The following NFIC variants were observed in gnomAD, a reference collection of about 807,000 sequenced individuals.
NFIC encodes nuclear factor 1 C-type.
NFIC carries 12 observed loss-of-function variants against 54.4 expected under a neutral mutation model. The observed-to-expected ratio is 0.22, with a 90% confidence interval of 0.14 to 0.36. The LOEUF (loss-of-function observed/expected upper bound fraction) is 0.36, where lower values mean the gene tolerates loss of function less well. NFIC is among the 10% of genes least tolerant of loss of function. NFIC has a pLI of 1.00. For missense variants in NFIC, 575 were observed against 718.2 expected, an observed-to-expected ratio of 0.80 and a Z score of 2.28; for synonymous variants, 322 against 319.2, an observed-to-expected ratio of 1.01 and a Z score of -0.09.
rs547479796 is a variant in NFIC at position 3,459,867 on chromosome 19, G to A, written c.1510-2885G>A. ...GCCCAGTGGCTGCCTGGTTGGAGGG[G>A]CTCTGTTGAATGATTTGCTGCAGCG... On this transcript the variant is annotated intron_variant, in intron 10 of 10. Transcript: ENST00000443272. The surrounding 1 kb of genome is among the most constrained non-coding windows in gnomAD (Gnocchi z 4.2). Among the ~76,000 whole-genome samples the A allele has an allele frequency of 2.6e-4, 39 of 152,322 alleles. No individual in the cohort carries two copies. The highest frequency in any genetic ancestry group is 9.1e-4 in the African/African-American group (38 of 41,578).
chr19:3,420,788 TC>T, intron 2 of NFIC, among the ~76,000 whole-genome samples: 1 of 151,842 alleles, frequency 6.6e-6, no homozygotes, highest in South Asian at 2.1e-4. Context: ...ATTGGCCCGA[TC>T]TGGGCTCACT....
chr19:3,387,640 G>A (rs558210739), intron 2 of NFIC, among the ~76,000 whole-genome samples: 20 of 152,106 alleles, frequency 1.3e-4, no homozygotes, highest in Non-Finnish European at 2.2e-4. Context: ...AGGCTTGAAG[G>A]GGGTGAGGGA....
At chr19:3,360,010 C>T (rs2145407356) in intron 1 of NFIC, among the ~76,000 whole-genome samples, 1 of 150,010 alleles carries the variant, frequency 6.7e-6, no homozygotes, top group Non-Finnish European at 1.5e-5. Context: ...CCGCCCCCTC[C>T]CCGGGCCAGA....
intron 2 of NFIC, among the ~76,000 whole-genome samples, chr19:3,392,349 G>A (rs1288392919): frequency 1.3e-5 from 2 of 152,144 alleles, no homozygotes; most frequent in Non-Finnish European, 2.9e-5. Context: ...TGGGACTACA[G>A]GCGTGAGCCA....
Position 3,463,922 on chromosome 19 carries a change from C to T in NFIC, c.*1153C>T. 1 of 981,482 alleles carries T rather than the reference C, an allele frequency of 1.0e-6. No individual in the cohort carries two copies. Among genetic ancestry groups the T allele is most frequent in the Non-Finnish European group, 1.2e-6 (1 of 826,790 alleles). 60.8% of individuals were successfully genotyped at this position (981,482 alleles called of 1,614,324 possible). On this transcript the variant is annotated 3_prime_UTR_variant, in exon 11 of 11. Transcript: ENST00000443272. ...GCCTCCTCCCCCTCCCCTCCAGCCT[C>T]TCCACCAGCCCCTCCAGTCAACCCT...
chr19:3,422,761 G>A (rs1025506343), intron 2 of NFIC, among the ~76,000 whole-genome samples: 3 of 151,904 alleles, frequency 2.0e-5, no homozygotes, highest in Non-Finnish European at 2.9e-5. Flanking sequence ...AAAGACCCGG[G>A]GGGTCTTGGA....
At chr19:3,430,062 C>T (rs1408549604) in intron 3 of NFIC, among the ~76,000 whole-genome samples, 1 of 152,080 alleles carries the variant, frequency 6.6e-6, no homozygotes, top group Non-Finnish European at 1.5e-5. Flanking sequence ...CCCTCCCCAC[C>T]CTAGCTAGTT....
At chr19:3,385,780 C>T (rs2081287488) in intron 2 of NFIC, among the ~76,000 whole-genome samples, 1 of 151,942 alleles carries the variant, frequency 6.6e-6, no homozygotes, top group Non-Finnish European at 1.5e-5. Context: ...GCATGTTGGC[C>T]AGGCTGGTCT....
chr19:3,436,042 G>A lies in NFIC; in HGVS notation c.958+835G>A, dbSNP rs575243618. 1.6e-3 allele frequency among the ~76,000 whole-genome samples: 237 copies of A among 152,044 alleles called. 2 individuals are homozygous for A. The highest frequency in any genetic ancestry group is 2.9e-3 in the Non-Finnish European group (195 of 67,980). ...GGGGTTTCACCATGTTGGTCAGGCT[G>A]GTCTCAAACTCCCGACCTCAGGTGA... On this transcript the variant is annotated intron_variant, in intron 6 of 10. Coordinates refer to ENST00000443272, the MANE Select transcript of NFIC (RefSeq NM_001245002.2).
chr19:3,363,522 T>G (rs1210822625), upstream of NFIC, among the ~76,000 whole-genome samples: 1 of 151,884 alleles, frequency 6.6e-6, no homozygotes, highest in African/African-American at 2.4e-5. Context: ...TCTGCCTGCC[T>G]CGGCCTCCCA....
chr19:3,364,705 A>G (rs1316323504), upstream of NFIC, among the ~76,000 whole-genome samples: 1 of 152,124 alleles, frequency 6.6e-6, no homozygotes, highest in Non-Finnish European at 1.5e-5. Context: ...TTCACCTTCC[A>G]AAGGATTCTA....
At chr19:3,437,429 A>G (rs957378776) in intron 6 of NFIC, among the ~76,000 whole-genome samples, 1 of 151,368 alleles carries the variant, frequency 6.6e-6, no homozygotes, top group Non-Finnish European at 1.5e-5. Context: ...GTGACATTTC[A>G]GGTGCCAAGG....
chr19:3,434,430 T>G lies in NFIC; in HGVS notation c.833+30T>G, dbSNP rs372650500. 1.9e-5 allele frequency: 30 copies of G among 1,566,928 alleles called. No homozygotes were observed. In the African/African-American group the frequency reaches 3.4e-4, roughly 18 times the overall value. On this transcript the variant is annotated intron_variant, in intron 5 of 10. Transcript: ENST00000443272. Reference sequence around the variant, plus strand: ...GTACCCAGGTCCCCACCTCTGGGCATTTCATGACCCCATTCATCAACCCAT... The same window carrying G: ...GTACCCAGGTCCCCACCTCTGGGCAGTTCATGACCCCATTCATCAACCCAT...
chr19:3,432,458 G>A (rs1036139862), intron 3 of NFIC, among the ~76,000 whole-genome samples: 2 of 152,036 alleles, frequency 1.3e-5, no homozygotes, highest in Admixed American at 6.6e-5. Context: ...AGAAGCCAGA[G>A]TATCTCGAAG....
At chr19:3,394,367 C>T (rs1297596920) in intron 2 of NFIC, among the ~76,000 whole-genome samples, 1 of 151,990 alleles carries the variant, frequency 6.6e-6, no homozygotes, top group African/African-American at 2.4e-5. Flanking sequence ...GCGGTCCCAG[C>T]TACTCAGGAG....
intron 7 of NFIC, among the ~76,000 whole-genome samples, chr19:3,450,665 A>T (rs1239117331): frequency 6.6e-6 from 1 of 152,016 alleles, no homozygotes; most frequent in Non-Finnish European, 1.5e-5. Context: ...AAAAAAAAAC[A>T]AAACAGAACA....
At position 3,416,686 on chromosome 19, in the gene NFIC, G is replaced by A. The variant is rs936840005; in HGVS notation, c.563-8420G>A. On this transcript the variant is annotated intron_variant, in intron 2 of 10. Coordinates refer to ENST00000443272, the MANE Select transcript of NFIC (RefSeq NM_001245002.2). ...ATTACAGGCATGTGCCACCGTGCCCGGCTAATTTTGTATTTTTAGTAGAGA... is the reference window on the plus strand; with the variant it reads ...ATTACAGGCATGTGCCACCGTGCCCAGCTAATTTTGTATTTTTAGTAGAGA... Among the ~76,000 whole-genome samples the A allele has an allele frequency of 6.0e-5, 9 of 150,422 alleles. No homozygotes were observed. The South Asian group carries it at 1.1e-3, about 18-fold the overall frequency.
At chr19:3,448,302 G>C (rs1442565894) in intron 6 of NFIC, among the ~76,000 whole-genome samples, 1 of 152,122 alleles carries the variant, frequency 6.6e-6, no homozygotes, top group Non-Finnish European at 1.5e-5. Flanking sequence ...TGAACTCCTG[G>C]CCTCAAGTGA....
intron 2 of NFIC, among the ~76,000 whole-genome samples, chr19:3,386,632 C>T (rs144909751): frequency 0.02 from 3,093 of 151,740 alleles, 43 homozygotes; most frequent in South Asian, 0.048. Context: ...CTGTTGTACG[C>T]ATTTTACAGA....
Sources: allele counts gnomAD v4.1 joint callset (sites outside exome capture counted in the v4.1 genomes callset), GRCh38; gene constraint gnomAD v4.1.1; non-coding constraint Gnocchi (gnomAD v3.1); transcripts MANE v1.5; gene names NCBI Gene and HGNC (gene_info 2026-07-23, HGNC 2026-07-21).